Variants in CAB39L observed in about 807,000 individuals in gnomAD.
CAB39L encodes calcium binding protein 39 like.
A neutral mutation model predicts 39.1 loss-of-function variants in CAB39L; 23 were observed. That is an observed-to-expected ratio of 0.59 (90% confidence interval 0.42 to 0.83). The LOEUF is 0.83. CAB39L is among the 40% of genes least tolerant of loss of function. The pLI is 0.00. For synonymous variants in CAB39L, 126 were observed against 137.2 expected (o/e 0.92, Z 0.57); for missense variants, 366 against 391.9 (o/e 0.93, Z 0.56).
At chr13:49,430,489 C>T (rs368717050) in intron 3 of CAB39L, among the ~76,000 whole-genome samples, 109 of 152,216 alleles carry the variant, frequency 7.2e-4, no homozygotes, top group African/African-American at 2.6e-3. Context: ...CAGCCACTGG[C>T]GTATAGGGCA....
intron 5 of CAB39L, among the ~76,000 whole-genome samples, chr13:49,374,257 G>A (rs556928835): frequency 1.8e-3 from 276 of 152,070 alleles, no homozygotes; most frequent in Middle Eastern, 0.01. Context: ...CTTCATAATA[G>A]TTTTGAATCA....
chr13:49,401,563 C>CTT (rs1956771346), intron 3 of CAB39L: 2 of 151,886 alleles, frequency 1.3e-5, no homozygotes, highest in African/African-American at 4.8e-5. Context: ...GTCACAGCTC[C>CTT]CTTTTACTTC....
In CAB39L at chr13:49,310,904, G is replaced by A. The variant is rs186913735; in HGVS notation, c.924C>T (p.Phe308=). 212 of 1,614,136 alleles carry A rather than the reference G, an allele frequency of 1.3e-4. 3 individuals are homozygous for A. In the East Asian group the frequency reaches 4.7e-3, roughly 36 times the overall value. Residue 308 remains phenylalanine (F), a synonymous_variant, in exon 11 of 11, where the codon TTC becomes TTT. Transcript: ENST00000409308. ...GCTCATCATCCGTCCTTTCTTTTTG[G>A]AAGCTGCTCAGAAACTCAATGAGTT... is the stretch of plus-strand genomic sequence containing the variant. The part of the protein sequence containing the change: ...QPKLIEFLSS[F]QKERTDDEQF...
intron 5 of CAB39L, among the ~76,000 whole-genome samples, chr13:49,369,193 C>T (rs1230328546): frequency 6.6e-6 from 1 of 152,198 alleles, no homozygotes; most frequent in African/African-American, 2.4e-5. Flanking sequence ...CATTCCCCAA[C>T]AGCCCTACTC....
intron 10 of CAB39L, among the ~76,000 whole-genome samples, chr13:49,324,117 G>C (rs1030835612): frequency 1.3e-5 from 2 of 151,872 alleles, no homozygotes; most frequent in Non-Finnish European, 1.5e-5. Context: ...TTTGAGAACA[G>C]GTTGGCCAAC....
chr13:49,368,426 A>G (rs142691922), intron 5 of CAB39L, among the ~76,000 whole-genome samples: 2 of 152,348 alleles, frequency 1.3e-5, no homozygotes, highest in Non-Finnish European at 2.9e-5. Flanking sequence ...TAATCTTTGT[A>G]GCTATCAATT....
At chr13:49,319,064 T>A (rs909057652) in intron 10 of CAB39L, among the ~76,000 whole-genome samples, 4 of 152,034 alleles carry the variant, frequency 2.6e-5, no homozygotes, top group Non-Finnish European at 5.9e-5. Flanking sequence ...GCCAACATAG[T>A]GAAACCTTGT....
chr13:49,318,210 C>G (rs976844562), intron 10 of CAB39L, among the ~76,000 whole-genome samples: 2 of 151,740 alleles, frequency 1.3e-5, no homozygotes, highest in Non-Finnish European at 2.9e-5. Context: ...GCCTGTAATC[C>G]CAACACTTGG....
At chr13:49,416,603 T>G (rs956110305) in intron 3 of CAB39L, among the ~76,000 whole-genome samples, 1 of 152,190 alleles carries the variant, frequency 6.6e-6, no homozygotes, top group African/African-American at 2.4e-5. Context: ...TGAAGAAAAC[T>G]GGCTCTGGAG....
chr13:49,370,934 T>TA (rs1249808243), intron 5 of CAB39L, among the ~76,000 whole-genome samples: 1 of 152,156 alleles, frequency 6.6e-6, no homozygotes, highest in Non-Finnish European at 1.5e-5. Context: ...TATGACATAG[T>TA]ATTTCCCTAC....
In CAB39L at chr13:49,364,163, G is replaced by A. The variant is rs1955706946; in HGVS notation, c.277-4331C>T. 1.3e-5 allele frequency among the ~76,000 whole-genome samples: 2 copies of A among 152,156 alleles called. 1 individual carries two copies. The highest frequency in any genetic ancestry group is 4.1e-4 in the South Asian group (2 of 4,826). ...TATGCACCAAACACTAGAGCACCCA[G>A]ATATGTAAAGCAAATATTATTAGAG... On this transcript the variant is annotated intron_variant, in intron 5 of 10. Coordinates refer to ENST00000409308, the MANE Select transcript of CAB39L (RefSeq NM_001079670.3).
chr13:49,332,879 T>A (rs1012741103), intron 9 of CAB39L, among the ~76,000 whole-genome samples: 1 of 151,898 alleles, frequency 6.6e-6, no homozygotes, highest in East Asian at 2.0e-4. Context: ...TACTGTAATA[T>A]AACTTTATAT....
intron 5 of CAB39L, among the ~76,000 whole-genome samples, chr13:49,370,567 G>A (rs1955893040): frequency 6.6e-6 from 1 of 152,136 alleles, no homozygotes; most frequent in Non-Finnish European, 1.5e-5. Flanking sequence ...TGTTGTCCAG[G>A]GTGTCATATC....
intron 5 of CAB39L, among the ~76,000 whole-genome samples, chr13:49,373,828 G>A (rs1030950584): frequency 2.0e-5 from 3 of 152,148 alleles, no homozygotes; most frequent in Non-Finnish European, 4.4e-5. Flanking sequence ...CTGTGTCGCT[G>A]GAGTAAGTCT....
chr13:49,319,274 A>G (rs971629009), intron 10 of CAB39L, among the ~76,000 whole-genome samples: 1 of 152,130 alleles, frequency 6.6e-6, no homozygotes, highest in Non-Finnish European at 1.5e-5. Flanking sequence ...AAAAAGAATG[A>G]CGTGCTGATG....
At chr13:49,426,179 A>C (rs1055073109) in intron 3 of CAB39L, among the ~76,000 whole-genome samples, 4 of 152,174 alleles carry the variant, frequency 2.6e-5, no homozygotes, top group Admixed American at 1.3e-4. Context: ...CATCCCCTTA[A>C]GTTTCTTGGA....
intron 3 of CAB39L, among the ~76,000 whole-genome samples, chr13:49,405,762 G>A (rs1322637790): frequency 6.8e-6 from 1 of 147,510 alleles, no homozygotes; most frequent in East Asian, 2.0e-4. Flanking sequence ...AGGGAGGGAC[G>A]GAGGGACAGA....
At chr13:49,345,192 T>C (rs4942817) in intron 7 of CAB39L, among the ~76,000 whole-genome samples, 13,359 of 152,188 alleles carry the variant, frequency 0.088, 1,026 homozygotes, top group East Asian at 0.44. Context: ...TTTTAATACA[T>C]ATTTAATTAA....
intron 4 of CAB39L, among the ~76,000 whole-genome samples, chr13:49,377,705 C>T (rs1345829393): frequency 1.3e-5 from 1 of 78,130 alleles, no homozygotes; most frequent in Admixed American, 1.1e-4. Flanking sequence ...TCAATGGTGC[C>T]CAGGCTGGAG....
Sources: allele counts gnomAD v4.1 joint callset (sites outside exome capture counted in the v4.1 genomes callset), GRCh38; gene constraint gnomAD v4.1.1; transcripts MANE v1.5; gene names NCBI Gene and HGNC (gene_info 2026-07-23, HGNC 2026-07-21).